The following CCSER1 variants were observed in gnomAD, a reference collection of about 807,000 sequenced individuals.
CCSER1 encodes the protein serine-rich coiled-coil domain-containing protein 1.
In CCSER1, 41 loss-of-function variants were observed where a neutral mutation model predicts 82.0. That is an observed-to-expected ratio of 0.50 (90% CI 0.39 to 0.65). CCSER1 has a LOEUF of 0.65. Among genes scored for constraint, CCSER1 ranks in the 30% least tolerant of loss-of-function variants. The probability of loss-of-function intolerance (pLI) is 0.00; values close to 1 mark genes in which losing one functional copy is unlikely to be tolerated. For synonymous variants in CCSER1, 414 were observed against 383.9 expected (o/e 1.08, Z -0.92); for missense variants, 1,119 against 1,064.2 (o/e 1.05, Z -0.72).
At chr4:91,244,997 G>A (rs1336351814) in intron 10 of CCSER1, among the ~76,000 whole-genome samples, 4 of 151,980 alleles carry the variant, frequency 2.6e-5, no homozygotes, top group African/African-American at 9.7e-5. Flanking sequence ...TTGGCATACT[G>A]AAGAATGCAT....
At chr4:90,868,694 T>A (rs528075566) in intron 8 of CCSER1, among the ~76,000 whole-genome samples, 2 of 152,200 alleles carry the variant, frequency 1.3e-5, no homozygotes, top group East Asian at 3.9e-4. Context: ...ATATACTGAT[T>A]TCCTTTCTTT....
At chr4:90,863,241 C>A (rs1326397799) in intron 8 of CCSER1, among the ~76,000 whole-genome samples, 1 of 151,906 alleles carries the variant, frequency 6.6e-6, no homozygotes, top group Non-Finnish European at 1.5e-5. Context: ...TTTCCAATTT[C>A]ATCCGTGTCC....
intron 10 of CCSER1, among the ~76,000 whole-genome samples, chr4:91,570,137 C>G (rs1215860948): frequency 6.6e-6 from 1 of 152,204 alleles, no homozygotes; most frequent in East Asian, 1.9e-4. Flanking sequence ...ACTTCCAGGT[C>G]ATGCTGATGC....
intron 8 of CCSER1, among the ~76,000 whole-genome samples, chr4:90,914,131 G>A (rs1161355489): frequency 6.6e-6 from 1 of 152,148 alleles, no homozygotes; most frequent in Non-Finnish European, 1.5e-5. Flanking sequence ...ATTCAGCTGT[G>A]CACCAAGTGG....
At chr4:91,349,208 A>AT (rs111249015) in intron 10 of CCSER1, among the ~76,000 whole-genome samples, 3 of 151,946 alleles carry the variant, frequency 2.0e-5, no homozygotes, top group Admixed American at 6.6e-5. Flanking sequence ...CGCCCGGCCA[A>AT]TTTTTTTATG....
rs978796503 is a variant in CCSER1 at position 91,601,989 on chromosome 4, C to T, written c.*2932C>T. ...CACCACAAAACTATGAATTCTCTCCCGAATTATTTTTGCTTCTTTGGAGCA... is the reference window on the plus strand; with the variant it reads ...CACCACAAAACTATGAATTCTCTCCTGAATTATTTTTGCTTCTTTGGAGCA... On this transcript the variant is annotated 3_prime_UTR_variant, in exon 11 of 11. Transcript: ENST00000509176. 2.6e-5 allele frequency: 4 copies of T among 151,906 alleles called. No individual in the cohort carries two copies. Among genetic ancestry groups the T allele is most frequent in the African/African-American group, 7.2e-5 (3 of 41,382 alleles). The allele number at this position is 151,906 out of a possible 1,614,324, so 9.4% of individuals were successfully genotyped here. A position where few individuals can be genotyped will look rare whatever the true frequency, so the allele number is the denominator to read the frequency against.
At chr4:90,775,013 G>A (rs1026501717) in intron 7 of CCSER1, among the ~76,000 whole-genome samples, 3 of 152,180 alleles carry the variant, frequency 2.0e-5, no homozygotes, top group South Asian at 2.1e-4. Context: ...AATGTGTAAC[G>A]TCTAAACTCT....
chr4:90,345,629 T>A (rs1742178748), intron 3 of CCSER1, among the ~76,000 whole-genome samples: 1 of 152,028 alleles, frequency 6.6e-6, no homozygotes, highest in South Asian at 2.1e-4. Context: ...ATATACTAAA[T>A]GAACAGACAA....
intron 10 of CCSER1, among the ~76,000 whole-genome samples, chr4:91,303,966 A>C: frequency 6.6e-6 from 1 of 152,182 alleles, no homozygotes; most frequent in East Asian, 1.9e-4. Context: ...TTAATTAAAT[A>C]ATATATATTA....
chr4:91,291,926 C>T (rs999212829), intron 10 of CCSER1, among the ~76,000 whole-genome samples: 3 of 152,070 alleles, frequency 2.0e-5, no homozygotes, highest in Non-Finnish European at 1.5e-5. Flanking sequence ...TACCCAACAT[C>T]CAAGACTTTG....
At chr4:91,298,510 G>C (rs909919043) in intron 10 of CCSER1, among the ~76,000 whole-genome samples, 1 of 151,940 alleles carries the variant, frequency 6.6e-6, no homozygotes, top group Non-Finnish European at 1.5e-5. Context: ...AACACATGCT[G>C]TACTCTGATG....
intron 10 of CCSER1, among the ~76,000 whole-genome samples, chr4:91,257,472 T>TACACACACACACACACAC (rs34423543): frequency 6.7e-6 from 1 of 148,896 alleles, no homozygotes; most frequent in African/African-American, 2.5e-5. Context: ...AATACATACC[T>TACACACACACACACACAC]ACACACACAC....
chr4:90,526,333 C>G (rs1393219656), intron 5 of CCSER1, among the ~76,000 whole-genome samples: 5 of 152,130 alleles, frequency 3.3e-5, no homozygotes, highest in Admixed American at 3.3e-4. Context: ...TCATAGCTCT[C>G]TCACTTAACA....
At chr4:90,804,009 T>G (rs1161587923) in intron 7 of CCSER1, among the ~76,000 whole-genome samples, 2 of 152,234 alleles carry the variant, frequency 1.3e-5, no homozygotes, top group Non-Finnish European at 2.9e-5. Flanking sequence ...ATAAATGTCT[T>G]CTTTTGAGAA....
chr4:90,685,869 T>C (rs1734735010), intron 6 of CCSER1, among the ~76,000 whole-genome samples: 1 of 152,202 alleles, frequency 6.6e-6, no homozygotes, highest in South Asian at 2.1e-4. Flanking sequence ...ATCTGACAGT[T>C]GTATTTGATG....
intron 8 of CCSER1, among the ~76,000 whole-genome samples, chr4:90,816,388 G>A (rs945963980): frequency 5.9e-5 from 9 of 152,164 alleles, no homozygotes; most frequent in African/African-American, 1.9e-4. Context: ...GGTTTTTAAT[G>A]TAATATCATG....
chr4:90,495,226 A>C (rs1242633193), intron 5 of CCSER1, among the ~76,000 whole-genome samples: 1 of 152,088 alleles, frequency 6.6e-6, no homozygotes, highest in Non-Finnish European at 1.5e-5. Flanking sequence ...TAAATTTTTG[A>C]GTCCTCAAAA....
intron 7 of CCSER1, among the ~76,000 whole-genome samples, chr4:90,807,865 A>C (rs991639717): frequency 6.6e-6 from 1 of 152,044 alleles, no homozygotes; most frequent in African/African-American, 2.4e-5. Context: ...AAATACCCCA[A>C]CGTCATTTTT....
At chr4:91,265,848 A>G (rs78376182) in intron 10 of CCSER1, among the ~76,000 whole-genome samples, 6,130 of 152,222 alleles carry the variant, frequency 0.04, 185 homozygotes, top group African/African-American at 0.083. Context: ...TTTTCACACT[A>G]CTGATAAAGA....
Sources: gnomAD v4.1 joint callset for allele counts (sites outside exome capture counted in the v4.1 genomes callset) on GRCh38, gnomAD v4.1.1 for gene constraint, MANE v1.5 for transcripts, NCBI Gene and HGNC (gene_info 2026-07-23, HGNC 2026-07-21) for gene names.